The following MAP3K3 variants were observed in gnomAD, a reference collection of about 807,000 sequenced individuals.
The protein encoded by MAP3K3 is MAP/ERK kinase kinase 3.
MAP3K3 carries 12 observed loss-of-function variants against 80.9 expected under a neutral mutation model. The ratio of observed to expected loss-of-function variants is 0.15; its 90% confidence interval spans 0.10 to 0.24. MAP3K3 has a LOEUF of 0.24. Ranked by LOEUF, MAP3K3 falls within the 10% of genes least tolerant of loss-of-function variation. MAP3K3 has a pLI of 1.00. For synonymous variants in MAP3K3, 272 were observed against 307.1 expected, an observed-to-expected ratio of 0.89 and a Z score of 1.19; for missense variants, 596 against 834.7, an observed-to-expected ratio of 0.71 and a Z score of 3.52.
chr17:63,629,130 GT>G (rs959645167), intron 1 of MAP3K3, among the ~76,000 whole-genome samples: 28 of 145,534 alleles, frequency 1.9e-4, no homozygotes, highest in African/African-American at 4.0e-4. Flanking sequence ...GTTATTTGTT[GT>G]TTTTTTTTTT....
intron 7 of MAP3K3, 121 bp downstream of exon 7, chr17:63,682,020 T>C: frequency 1.1e-6 from 1 of 938,570 alleles, no homozygotes; most frequent in Non-Finnish European, 1.4e-6. Context: ...GAAAGCTCTT[T>C]TATAAACCAG....
At chr17:63,622,952 C>T (rs1270233816) in intron 1 of MAP3K3, among the ~76,000 whole-genome samples, 189 bp downstream of exon 1, 1 of 145,446 alleles carries the variant, frequency 6.9e-6, no homozygotes, top group East Asian at 2.1e-4. Context: ...GGTTCTGGCT[C>T]CGCGGGGCGG....
At position 63,665,022 on chromosome 17, in the gene MAP3K3, G is replaced by C. The variant is rs200012943; in HGVS notation, c.382-1918G>C. On this transcript the variant is annotated intron_variant, in intron 5 of 15. Transcript: ENST00000361733. ...TGAGGTGTCAAAATCTCCACAGGCA[G>C]CTGGGCATGGTCGCTCACCCCTGTA... 1.4e-4 allele frequency among the ~76,000 whole-genome samples: 22 copies of C among 152,226 alleles called. No individual in the cohort carries two copies. The East Asian group carries it at 4.1e-3, about 28-fold the overall frequency.
intron 6 of MAP3K3, among the ~76,000 whole-genome samples, chr17:63,670,586 C>CAA (rs756058538): frequency 0.016 from 1,243 of 79,640 alleles, 50 homozygotes; most frequent in African/African-American, 0.054. Context: ...GACTCTGTCT[C>CAA]AAAAAAAAAA....
At chr17:63,650,686 G>GAA (rs1479082165) in intron 3 of MAP3K3, among the ~76,000 whole-genome samples, 22 of 147,556 alleles carry the variant, frequency 1.5e-4, no homozygotes, top group African/African-American at 5.7e-4. Context: ...GAGAGAGAGA[G>GAA]AGAGAGAGAG....
chr17:63,669,440 A>G (rs1267028730), intron 6 of MAP3K3, among the ~76,000 whole-genome samples: 1 of 150,742 alleles, frequency 6.6e-6, no homozygotes, highest in African/African-American at 2.4e-5. Context: ...TGCCCCTTAT[A>G]CCCATCACCA....
chr17:63,628,362 CTT>C (rs551646151), intron 1 of MAP3K3, among the ~76,000 whole-genome samples: 16 of 141,456 alleles, frequency 1.1e-4, no homozygotes, highest in South Asian at 2.2e-4. Context: ...CTAATTCTGT[CTT>C]TTTTTTTTTT....
chr17:63,674,825 C>T (rs540950497), intron 6 of MAP3K3, among the ~76,000 whole-genome samples: 10 of 152,202 alleles, frequency 6.6e-5, no homozygotes, highest in Admixed American at 2.6e-4. Context: ...GAGAGGAGCC[C>T]TCTCTGCCTC....
chr17:63,684,014 G>A (rs576574136), intron 7 of MAP3K3, among the ~76,000 whole-genome samples: 1 of 152,022 alleles, frequency 6.6e-6, no homozygotes, highest in East Asian at 1.9e-4. Context: ...AATTTAATTA[G>A]CTGGGCATAG....
At chr17:63,623,299 G>C in intron 1 of MAP3K3, among the ~76,000 whole-genome samples, 1 of 152,214 alleles carries the variant, frequency 6.6e-6, no homozygotes, top group East Asian at 1.9e-4. Flanking sequence ...GAGGGCGTGC[G>C]GGGCTCGGCT....
At chr17:63,645,239 G>A (rs2034518737) in intron 2 of MAP3K3, among the ~76,000 whole-genome samples, 1 of 152,098 alleles carries the variant, frequency 6.6e-6, no homozygotes, top group Admixed American at 6.6e-5. Flanking sequence ...GGAGACGGAG[G>A]TTGCGGTGAG....
intron 3 of MAP3K3, among the ~76,000 whole-genome samples, chr17:63,650,046 G>C (rs1314890910): frequency 1.3e-5 from 2 of 152,150 alleles, no homozygotes; most frequent in African/African-American, 4.8e-5. Context: ...GCTGAATACT[G>C]CTTGCTCCAA....
At chr17:63,657,966 C>A in intron 5 of MAP3K3, 59 bp downstream of exon 5, 1 of 927,316 alleles carries the variant, frequency 1.1e-6, no homozygotes, top group Non-Finnish European at 1.7e-6. Flanking sequence ...CCTTCAGGAA[C>A]TTGTCTCGCC....
rs947290033 is a variant in MAP3K3 at position 63,681,631 on chromosome 17, A to G, written c.503-135A>G. On this transcript the variant is annotated intron_variant, in intron 6 of 15. Transcript: ENST00000361733. ...TTTGTTTGCCTGAGGGAGCTGGCAC[A>G]TGCTGGACGTTGGTGCCATGACCCA... The G allele has an allele frequency of 3.1e-5, 22 of 715,828 alleles. No homozygotes were observed. In the African/African-American group the frequency reaches 3.4e-4, roughly 11 times the overall value. 44.3% of individuals were successfully genotyped at this position (715,828 alleles called of 1,614,324 possible). A position where few individuals can be genotyped will look rare whatever the true frequency, so the allele number is the denominator to read the frequency against.
At chr17:63,651,028 A>G (rs2143333389) in intron 3 of MAP3K3, among the ~76,000 whole-genome samples, 2 of 152,062 alleles carry the variant, frequency 1.3e-5, no homozygotes, top group Middle Eastern at 3.4e-3. Context: ...ATGTGTGTGT[A>G]TGAGTTTCTT....
chr17:63,628,022 C>T (rs1401881386), intron 1 of MAP3K3, among the ~76,000 whole-genome samples: 2 of 151,934 alleles, frequency 1.3e-5, no homozygotes, highest in Non-Finnish European at 1.5e-5. Flanking sequence ...TCCCATGCCT[C>T]AGCCTCCACA....
intron 2 of MAP3K3, among the ~76,000 whole-genome samples, chr17:63,633,387 C>T (rs1197490499): frequency 6.6e-6 from 1 of 152,030 alleles, no homozygotes; most frequent in Non-Finnish European, 1.5e-5. Context: ...GATTCATGAT[C>T]CCTAAGTCAG....
rs2035602113 is a variant in MAP3K3, at chr17:63,691,993, A to G, written c.1474+131A>G. 3 of 1,099,736 alleles carry G rather than the reference A, an allele frequency of 2.7e-6. No individual in the cohort carries two copies. The highest frequency in any genetic ancestry group is 4.0e-6 in the Non-Finnish European group (3 of 759,032). The allele number at this position is 1,099,736 out of a possible 1,614,324, so 68.1% of individuals were successfully genotyped here. ...GGGACCCCAGTTGTTTCCCTGAGGAACTGGTGAGATTGGTTGAGCAATATG... is the reference window on the plus strand; with the variant it reads ...GGGACCCCAGTTGTTTCCCTGAGGAGCTGGTGAGATTGGTTGAGCAATATG... On this transcript the variant is annotated intron_variant, in intron 14 of 15. Coordinates refer to ENST00000361733, the MANE Select transcript of MAP3K3 (RefSeq NM_002401.5). This position sits in a 1 kb window ranked among gnomAD's most constrained non-coding sequence, Gnocchi z 4.8.
chr17:63,623,967 C>G (rs996372266), intron 1 of MAP3K3, among the ~76,000 whole-genome samples: 3 of 151,938 alleles, frequency 2.0e-5, no homozygotes, highest in Non-Finnish European at 4.4e-5. Context: ...TGTGACCCAT[C>G]TCTACACCCT....
Sources: gnomAD v4.1 joint callset for allele counts (sites outside exome capture counted in the v4.1 genomes callset) on GRCh38, gnomAD v4.1.1 for gene constraint, Gnocchi (gnomAD v3.1) non-coding constraint, MANE v1.5 for transcripts, NCBI Gene and HGNC (gene_info 2026-07-23, HGNC 2026-07-21) for gene names.